Variants in PDZD2 observed in about 807,000 individuals in gnomAD.
PDZD2 encodes PDZ domain containing 2.
A neutral mutation model predicts 220.7 loss-of-function variants in PDZD2; 90 were observed. That is an observed-to-expected ratio of 0.41 (90% CI 0.34 to 0.49). The LOEUF (loss-of-function observed/expected upper bound fraction) is 0.49, where lower values mean the gene tolerates loss of function less well. Among genes scored for constraint, PDZD2 ranks in the 20% least tolerant of loss-of-function variants. PDZD2 has a pLI of 0.28. For missense variants in PDZD2, 3,174 were observed against 3,608.5 expected (o/e 0.88, Z 3.08); for synonymous variants, 1,375 against 1,450.5 (o/e 0.95, Z 1.18).
intron 1 of PDZD2, among the ~76,000 whole-genome samples, chr5:31,765,627 A>G (rs1751954021): frequency 6.6e-6 from 1 of 152,132 alleles, no homozygotes; most frequent in Non-Finnish European, 1.5e-5. Flanking sequence ...TTGTCCCCAA[A>G]CCATCTCCAA....
chr5:31,933,126 G>T (rs776706576), intron 2 of PDZD2, among the ~76,000 whole-genome samples: 23 of 152,108 alleles, frequency 1.5e-4, no homozygotes, highest in Admixed American at 2.0e-4. Flanking sequence ...GGCCAGGCTG[G>T]TCTCGAACTC....
intron 10 of PDZD2, 40 bp from the exon 11 acceptor site, chr5:32,057,615 A>T: frequency 8.4e-7 from 1 of 1,191,668 alleles, no homozygotes; most frequent in Non-Finnish European, 1.2e-6. Flanking sequence ...CCAGGAAATT[A>T]AAGGCTAATG....
At chr5:31,819,040 T>A (rs1374217674) in intron 2 of PDZD2, among the ~76,000 whole-genome samples, 1 of 152,216 alleles carries the variant, frequency 6.6e-6, no homozygotes. Context: ...AGTTCAGACC[T>A]CCATTCTTTT....
In PDZD2 at chr5:31,930,494, C is replaced by T. The variant is rs1277829413; in HGVS notation, c.477-52661C>T. Among the ~76,000 whole-genome samples, 8 of 151,990 alleles carry T rather than the reference C, an allele frequency of 5.3e-5. No individual in the cohort carries two copies. In the South Asian group the frequency reaches 6.2e-4, roughly 12 times the overall value. On this transcript the variant is annotated intron_variant, in intron 2 of 24. Coordinates refer to ENST00000438447, the MANE Select transcript of PDZD2 (RefSeq NM_178140.4). ...GATTACAGGCGTGAGCCACCGCGTC[C>T]GGCCAGGTATTTCCCTATAGTGACA...
intron 2 of PDZD2, among the ~76,000 whole-genome samples, chr5:31,931,816 A>T (rs2150392493): frequency 6.6e-6 from 1 of 151,316 alleles, no homozygotes; most frequent in East Asian, 2.0e-4. Flanking sequence ...TGATGGTGTC[A>T]GTGTATGCTG....
chr5:31,759,264 A>G (rs1274062843), intron 1 of PDZD2, among the ~76,000 whole-genome samples: 1 of 152,274 alleles, frequency 6.6e-6, no homozygotes, highest in African/African-American at 2.4e-5. Context: ...GAGTGTTTGT[A>G]AAAGGATGCA....
At chr5:32,078,431 A>G (rs537241727) in intron 19 of PDZD2, among the ~76,000 whole-genome samples, 1 of 152,178 alleles carries the variant, frequency 6.6e-6, no homozygotes, top group South Asian at 2.1e-4. Flanking sequence ...GGAGTTTAAG[A>G]CCAGCCTGGC....
intron 2 of PDZD2, among the ~76,000 whole-genome samples, chr5:31,980,195 G>A (rs950396019): frequency 6.6e-5 from 10 of 152,066 alleles, no homozygotes; most frequent in African/African-American, 2.4e-4. Flanking sequence ...TATTAGCAGT[G>A]AGTCCCAATT....
chr5:31,645,432 G>A (rs915971605), intron 1 of PDZD2, among the ~76,000 whole-genome samples: 2 of 151,252 alleles, frequency 1.3e-5, no homozygotes, highest in Admixed American at 1.3e-4. Flanking sequence ...TGCCTCCCAG[G>A]TTCAAGTGAT....
intron 2 of PDZD2, chr5:31,840,507 A>G: frequency 2.1e-6 from 1 of 473,920 alleles, no homozygotes; most frequent in Non-Finnish European, 3.9e-6. Context: ...CCATGAATTC[A>G]TAGGGAATGG....
chr5:31,862,901 G>A (rs912015434), intron 2 of PDZD2, among the ~76,000 whole-genome samples: 1 of 151,942 alleles, frequency 6.6e-6, no homozygotes, highest in Admixed American at 6.6e-5. Flanking sequence ...TAATTTTTTT[G>A]TATTTTTGAT....
At chr5:31,671,451 A>G (rs1448211427) in intron 1 of PDZD2, among the ~76,000 whole-genome samples, 1 of 152,148 alleles carries the variant, frequency 6.6e-6, no homozygotes, top group Non-Finnish European at 1.5e-5. Context: ...TCATGTCAGG[A>G]CACTCCTGTG....
chr5:31,777,934 T>C (rs1335965335), intron 1 of PDZD2, among the ~76,000 whole-genome samples: 1 of 152,186 alleles, frequency 6.6e-6, no homozygotes, highest in Non-Finnish European at 1.5e-5. Context: ...GTGCTCTGTG[T>C]CTAGCTAATC....
At chr5:31,757,013 G>A (rs189374748) in intron 1 of PDZD2, among the ~76,000 whole-genome samples, 1 of 152,376 alleles carries the variant, frequency 6.6e-6, no homozygotes, top group Non-Finnish European at 1.5e-5. Flanking sequence ...GCTGGGTCGG[G>A]CGGTTCATGC....
intron 2 of PDZD2, chr5:31,908,568 T>C (rs1742896312): frequency 1.3e-5 from 13 of 975,462 alleles, no homozygotes; most frequent in Non-Finnish European, 2.1e-5. Context: ...GTGTTGATAC[T>C]GTCATGAACC....
intron 2 of PDZD2, among the ~76,000 whole-genome samples, chr5:31,965,061 T>C (rs1460009177): frequency 1.3e-5 from 2 of 152,162 alleles, no homozygotes; most frequent in Non-Finnish European, 2.9e-5. Context: ...CTAATACTGA[T>C]AGGGCTCCGA....
intron 1 of PDZD2, among the ~76,000 whole-genome samples, chr5:31,792,243 G>C (rs1405349023): frequency 6.6e-6 from 1 of 152,154 alleles, no homozygotes; most frequent in African/African-American, 2.4e-5. Flanking sequence ...TGCTGGCCTG[G>C]TTAAGTCAGG....
At chr5:31,979,649 G>A (rs1355230753) in intron 2 of PDZD2, among the ~76,000 whole-genome samples, 1 of 152,072 alleles carries the variant, frequency 6.6e-6, no homozygotes, top group African/African-American at 2.4e-5. Context: ...AATACTGTTG[G>A]GATGACTTGC....
intron 2 of PDZD2, among the ~76,000 whole-genome samples, chr5:31,869,684 C>T (rs1738596310): frequency 6.6e-6 from 1 of 152,216 alleles, no homozygotes; most frequent in Admixed American, 6.5e-5. Context: ...GTGACGGGGA[C>T]TCCCTTGAAG....
Sources: gnomAD v4.1 joint callset for allele counts (sites outside exome capture counted in the v4.1 genomes callset) on GRCh38, gnomAD v4.1.1 for gene constraint, MANE v1.5 for transcripts, NCBI Gene and HGNC (gene_info 2026-07-23, HGNC 2026-07-21) for gene names.